Variants in TBL1XR1 observed in about 807,000 individuals in gnomAD.
The protein encoded by TBL1XR1 is TBL1X/Y related 1.
A neutral mutation model predicts 66.9 loss-of-function variants in TBL1XR1; 5 were observed. The observed-to-expected ratio is 0.07, with a 90% confidence interval of 0.04 to 0.16. The LOEUF (loss-of-function observed/expected upper bound fraction) is 0.16, where lower values mean the gene tolerates loss of function less well. TBL1XR1 is among the 10% of genes least tolerant of loss of function. The pLI, the probability that TBL1XR1 is intolerant of heterozygous loss-of-function variation, is 1.00. For synonymous variants in TBL1XR1, 210 were observed against 206.0 expected, an observed-to-expected ratio of 1.02 and a Z score of -0.17; for missense variants, 238 against 623.2, an observed-to-expected ratio of 0.38 and a Z score of 6.58.
intron 4 of TBL1XR1, among the ~76,000 whole-genome samples, chr3:177,052,306 A>G (rs914876827): frequency 1.6e-4 from 24 of 152,304 alleles, no homozygotes; most frequent in African/African-American, 5.8e-4. Context: ...TAAGCACAAG[A>G]AGAGACACAA....
intron 10 of TBL1XR1, among the ~76,000 whole-genome samples, chr3:177,042,561 T>G (rs1187023367): frequency 6.6e-6 from 1 of 152,196 alleles, no homozygotes; most frequent in African/African-American, 2.4e-5. Context: ...GCTTATAGAT[T>G]GATGTAATCA....
At chr3:177,128,097 T>C (rs141626039) in intron 1 of TBL1XR1, among the ~76,000 whole-genome samples, 2 of 152,090 alleles carry the variant, frequency 1.3e-5, no homozygotes, top group African/African-American at 4.8e-5. Context: ...TGCACACCTA[T>C]AGTCCTGGCT....
At chr3:177,090,716 C>CA (rs1272308455) in intron 2 of TBL1XR1, among the ~76,000 whole-genome samples, 1 of 151,986 alleles carries the variant, frequency 6.6e-6, no homozygotes, top group East Asian at 1.9e-4. Context: ...GAGGCCAAGG[C>CA]AAGAGAATCA....
chr3:177,176,016 G>A (rs931458450), intron 1 of TBL1XR1, among the ~76,000 whole-genome samples: 8 of 149,148 alleles, frequency 5.4e-5, no homozygotes, highest in East Asian at 2.0e-4. Context: ...CCCACATAGC[G>A]CCACTGCACT....
intron 2 of TBL1XR1, among the ~76,000 whole-genome samples, chr3:177,091,891 C>G (rs533050654): frequency 1.4e-4 from 22 of 152,236 alleles, no homozygotes; most frequent in Non-Finnish European, 2.9e-4. Flanking sequence ...AAATGTTACA[C>G]ATAATAAAAG....
In TBL1XR1 at chr3:177,050,093, G is replaced by A. The variant is rs561869177; in HGVS notation, c.606C>T (p.Ser202=). Residue 202 remains serine (S), a synonymous_variant, in exon 7 of 16, where the codon AGC becomes AGT. Coordinates refer to ENST00000457928, the MANE Select transcript of TBL1XR1 (RefSeq NM_024665.7). Reference sequence around the variant, plus strand: ...GTACTAACTGTGTAGAGCCACTGGTGCTGTTCTCACTAAGATTCCATATTC... The same window carrying A: ...GTACTAACTGTGTAGAGCCACTGGTACTGTTCTCACTAAGATTCCATATTC... ...TARIWNLSEN[S]TSGSTQLVLR... 128 of 1,613,012 alleles carry A rather than the reference G, an allele frequency of 7.9e-5. 1 individual carries two copies. In the South Asian group the frequency reaches 1.3e-3, roughly 16 times the overall value.
chr3:177,100,421 T>A (rs532503511), intron 1 of TBL1XR1, among the ~76,000 whole-genome samples: 4 of 151,340 alleles, frequency 2.6e-5, no homozygotes, highest in African/African-American at 9.6e-5. Context: ...CAACAGTGAA[T>A]AATGTACTTT....
At chr3:177,058,343 CAG>C (rs1718068511) in intron 3 of TBL1XR1, among the ~76,000 whole-genome samples, 1 of 152,144 alleles carries the variant, frequency 6.6e-6, no homozygotes, top group African/African-American at 2.4e-5. Context: ...AAAAATGACA[CAG>C]GGGATCTTTG....
At chr3:177,153,505 T>C (rs1230404508) in intron 1 of TBL1XR1, among the ~76,000 whole-genome samples, 1 of 152,166 alleles carries the variant, frequency 6.6e-6, no homozygotes, top group East Asian at 1.9e-4. Flanking sequence ...AAATAGTACA[T>C]AAAAGGGAGA....
rs190427603 is a variant in TBL1XR1, at chr3:177,191,075, T to C, written c.-122+6046A>G. 4.0e-5 allele frequency among the ~76,000 whole-genome samples: 6 copies of C among 151,872 alleles called. No homozygotes were observed. The East Asian group carries it at 9.6e-4, about 24-fold the overall frequency. ...AACAGCATGCACAAAAGCAAAGTAGTGAGTATGGCAAAAACTACCGTATTT... is the reference window on the plus strand; with the variant it reads ...AACAGCATGCACAAAAGCAAAGTAGCGAGTATGGCAAAAACTACCGTATTT... On this transcript the variant is annotated intron_variant, in intron 1 of 15. Coordinates refer to ENST00000457928, the MANE Select transcript of TBL1XR1 (RefSeq NM_024665.7).
rs141110390 is a variant in TBL1XR1, at chr3:177,029,605, A to G, written c.1417-3131T>C. On this transcript the variant is annotated intron_variant, in intron 14 of 15. Coordinates refer to ENST00000457928, the MANE Select transcript of TBL1XR1 (RefSeq NM_024665.7). ...CACTGCATTCCAGCCTAGGCGACATAGTGAGACTCTATCTCAAGACAAAAC... is the reference window on the plus strand; with the variant it reads ...CACTGCATTCCAGCCTAGGCGACATGGTGAGACTCTATCTCAAGACAAAAC... Among the ~76,000 whole-genome samples the G allele has an allele frequency of 5.8e-3, 877 of 152,274 alleles. 10 individuals are homozygous for G. The highest frequency in any genetic ancestry group is 0.03 in the South Asian group (147 of 4,820).
At chr3:177,125,208 T>C (rs920253886) in intron 1 of TBL1XR1, among the ~76,000 whole-genome samples, 1 of 151,940 alleles carries the variant, frequency 6.6e-6, no homozygotes, top group African/African-American at 2.4e-5. Flanking sequence ...ATATATGAAA[T>C]ACTACAACTC....
In TBL1XR1 at chr3:177,024,266, TTTTG is replaced by T. The variant is rs1463975216; in HGVS notation, c.*1228_*1231del. ...ATTTAAAAACACCTTGAAGCAAGTC[TTTTG>T]TTTGAGATTGTTTTTTAAACTAAGG... On this transcript the variant is annotated 3_prime_UTR_variant, in exon 16 of 16. Transcript: ENST00000457928. The T allele has an allele frequency of 1.3e-5, 2 of 152,602 alleles. No homozygotes were observed. Among genetic ancestry groups the T allele is most frequent in the Admixed American group, 6.6e-5 (1 of 15,266 alleles). 9.5% of individuals were successfully genotyped at this position (152,602 alleles called of 1,614,324 possible). A position where few individuals can be genotyped will look rare whatever the true frequency, so the allele number is the denominator to read the frequency against.
At chr3:177,091,647 T>C (rs1722857420) in intron 2 of TBL1XR1, among the ~76,000 whole-genome samples, 1 of 152,054 alleles carries the variant, frequency 6.6e-6, no homozygotes, top group African/African-American at 2.4e-5. Context: ...GAATACAAAC[T>C]ACAGTCAATA....
chr3:177,132,490 GTGACT>G (rs1371425194), intron 1 of TBL1XR1, among the ~76,000 whole-genome samples: 1 of 152,206 alleles, frequency 6.6e-6, no homozygotes, highest in African/African-American at 2.4e-5. Context: ...TTTGGATCAT[GTGACT>G]TTTCTTTAGC....
At chr3:177,044,464 A>C (rs1360533918) in intron 10 of TBL1XR1, among the ~76,000 whole-genome samples, 4 of 152,156 alleles carry the variant, frequency 2.6e-5, no homozygotes, top group Non-Finnish European at 5.9e-5. Context: ...AAAAGAGTAT[A>C]TACTGTATGA....
intron 1 of TBL1XR1, among the ~76,000 whole-genome samples, chr3:177,108,692 C>G (rs1356960157): frequency 6.6e-6 from 1 of 152,022 alleles, no homozygotes; most frequent in Non-Finnish European, 1.5e-5. Flanking sequence ...CAAAAAGAAT[C>G]AACTCCCTAA....
At chr3:177,191,647 A>G (rs2109009438) in intron 1 of TBL1XR1, among the ~76,000 whole-genome samples, 1 of 152,346 alleles carries the variant, frequency 6.6e-6, no homozygotes. Context: ...CTGAACTTCT[A>G]AGGACAACTA....
chr3:177,113,833 GAAC>G (rs2108733629), intron 1 of TBL1XR1, among the ~76,000 whole-genome samples: 1 of 152,204 alleles, frequency 6.6e-6, no homozygotes, highest in East Asian at 1.9e-4. Context: ...CAGTCAGTAT[GAAC>G]ATTATCAAAA....
Sources: allele counts gnomAD v4.1 joint callset (sites outside exome capture counted in the v4.1 genomes callset), GRCh38; gene constraint gnomAD v4.1.1; transcripts MANE v1.5; gene names NCBI Gene and HGNC (gene_info 2026-07-23, HGNC 2026-07-21).